Variants in SH3BGR observed in about 807,000 individuals in gnomAD.
SH3BGR encodes SH3 domain-binding glutamic acid-rich protein.
SH3BGR carries 29 observed loss-of-function variants against 24.5 expected under a neutral mutation model. The observed-to-expected ratio is 1.18, with a 90% CI of 0.88 to 1.61. SH3BGR has a LOEUF of 1.61. SH3BGR is among the 40% of genes most tolerant of loss of function. SH3BGR has a pLI of 0.00. For synonymous variants in SH3BGR, 55 were observed against 65.7 expected (o/e 0.84, Z 0.79); for missense variants, 162 against 205.8 (o/e 0.79, Z 1.30).
intron 3 of SH3BGR, among the ~76,000 whole-genome samples, chr21:39,496,299 G>T (rs1439002173): frequency 6.6e-6 from 1 of 151,972 alleles, no homozygotes; most frequent in Non-Finnish European, 1.5e-5. Flanking sequence ...AGGAGATCGA[G>T]ACCATCCTGG....
At chr21:39,470,726 A>C (rs2077925055) in intron 2 of SH3BGR, among the ~76,000 whole-genome samples, 1 of 152,144 alleles carries the variant, frequency 6.6e-6, no homozygotes, top group Non-Finnish European at 1.5e-5. Context: ...AGATTTACCC[A>C]CATATTTACT....
At chr21:39,497,262 A>T (rs1602153572) in intron 3 of SH3BGR, among the ~76,000 whole-genome samples, 1 of 151,250 alleles carries the variant, frequency 6.6e-6, no homozygotes, top group Non-Finnish European at 1.5e-5. Flanking sequence ...ACAAATATAT[A>T]ATCTGAATGT....
At chr21:39,469,626 T>G (rs2077903300) in intron 2 of SH3BGR, among the ~76,000 whole-genome samples, 1 of 111,370 alleles carries the variant, frequency 9.0e-6, no homozygotes, top group Non-Finnish European at 2.1e-5. Context: ...ATATGCAGTA[T>G]TTTCTTTTTT....
chr21:39,485,686 CTTTTTT>C (rs71330369), intron 3 of SH3BGR, among the ~76,000 whole-genome samples: 1 of 116,752 alleles, frequency 8.6e-6, no homozygotes, highest in African/African-American at 3.1e-5. Flanking sequence ...AAGTTGTTTT[CTTTTTT>C]TTTTTTTTTT....
At chr21:39,514,222 A>G (rs958451208) in intron 6 of SH3BGR, among the ~76,000 whole-genome samples, 1 of 152,114 alleles carries the variant, frequency 6.6e-6, no homozygotes, top group Non-Finnish European at 1.5e-5. Context: ...CCAAAAACAA[A>G]CCCATCTCAT....
rs1336674417 is a variant in SH3BGR at position 39,511,175 on chromosome 21, G to T, written c.436-505G>T. Reference sequence around the variant, plus strand: ...TGGTGTATGTGTATTTGTGTGTGGTGTATATGGTGTGTGGTGTGTTTGGTG... The same window carrying T: ...TGGTGTATGTGTATTTGTGTGTGGTTTATATGGTGTGTGGTGTGTTTGGTG... On this transcript the variant is annotated intron_variant, in intron 5 of 6. Coordinates refer to ENST00000333634, the MANE Select transcript of SH3BGR (RefSeq NM_007341.3). The surrounding 1 kb of genome is among the most constrained non-coding windows in gnomAD (Gnocchi z 4.2). Among the ~76,000 whole-genome samples the T allele has an allele frequency of 6.6e-6, 1 of 150,686 alleles. No individual in the cohort carries two copies. The highest frequency in any genetic ancestry group is 2.4e-5 in the African/African-American group (1 of 40,978).
intron 2 of SH3BGR, among the ~76,000 whole-genome samples, chr21:39,469,539 T>C (rs187537868): frequency 1.1e-3 from 173 of 151,968 alleles, no homozygotes; most frequent in Non-Finnish European, 1.6e-3. Flanking sequence ...ACTTTTAACC[T>C]TTTTTTCTTC....
At chr21:39,488,439 TG>T in intron 3 of SH3BGR, 1 of 241,614 alleles carries the variant, frequency 4.1e-6, no homozygotes. Context: ...ACGAGGGCCT[TG>T]GGCCAGAGCC....
At chr21:39,500,990 A>G (rs1341089370) in intron 4 of SH3BGR, among the ~76,000 whole-genome samples, 1 of 152,260 alleles carries the variant, frequency 6.6e-6, no homozygotes, top group African/African-American at 2.4e-5. Flanking sequence ...TGTTTTAAAG[A>G]AAGACAAAAT....
chr21:39,509,917 A>G (rs1403989234), intron 5 of SH3BGR, among the ~76,000 whole-genome samples: 1 of 152,150 alleles, frequency 6.6e-6, no homozygotes, highest in Non-Finnish European at 1.5e-5. Flanking sequence ...AAATGTCAAA[A>G]GAAATCCCCC....
At chr21:39,448,972 A>G (rs552702346), upstream of SH3BGR, among the ~76,000 whole-genome samples, 1 of 151,898 alleles carries the variant, frequency 6.6e-6, no homozygotes, top group Admixed American at 6.6e-5. Flanking sequence ...CTTTATTGAT[A>G]AACAGCTGCA....
At chr21:39,513,603 C>T (rs1193115707) in intron 6 of SH3BGR, among the ~76,000 whole-genome samples, 1 of 152,060 alleles carries the variant, frequency 6.6e-6, no homozygotes. Context: ...TTCTTTCATG[C>T]TCTGGACCCA....
At chr21:39,480,769 T>C (rs891633913) in intron 3 of SH3BGR, among the ~76,000 whole-genome samples, 2 of 152,240 alleles carry the variant, frequency 1.3e-5, no homozygotes, top group African/African-American at 4.8e-5. Flanking sequence ...ACTCTAGACT[T>C]ACTGACCCTA....
At chr21:39,476,061 A>G (rs1333569086) in intron 3 of SH3BGR, among the ~76,000 whole-genome samples, 1 of 152,240 alleles carries the variant, frequency 6.6e-6, no homozygotes, top group Non-Finnish European at 1.5e-5. Context: ...AGCTGAAGTC[A>G]TGAAAAGTGG....
chr21:39,454,134 G>A (rs2077617760), intron 1 of SH3BGR, among the ~76,000 whole-genome samples: 2 of 152,162 alleles, frequency 1.3e-5, no homozygotes, highest in African/African-American at 2.4e-5. Flanking sequence ...GATTATCCCT[G>A]CGATGTCAGT....
At chr21:39,506,788 G>C (rs548753438) in intron 4 of SH3BGR, among the ~76,000 whole-genome samples, 7 of 152,306 alleles carry the variant, frequency 4.6e-5, no homozygotes, top group African/African-American at 1.7e-4. Context: ...CAGGAGGATA[G>C]AGTATCTTGA....
At chr21:39,472,163 A>G (rs2077951535) in intron 2 of SH3BGR, among the ~76,000 whole-genome samples, 1 of 151,528 alleles carries the variant, frequency 6.6e-6, no homozygotes, top group African/African-American at 2.5e-5. Context: ...TGTGCTGCTA[A>G]AACAGAATAC....
chr21:39,514,058 T>C (rs1353700356), intron 6 of SH3BGR, among the ~76,000 whole-genome samples: 1 of 152,192 alleles, frequency 6.6e-6, no homozygotes, highest in African/African-American at 2.4e-5. Context: ...TGGAATCCAG[T>C]CCCTAATAGT....
chr21:39,465,861 G>T (rs752566985), intron 2 of SH3BGR, among the ~76,000 whole-genome samples: 5 of 152,150 alleles, frequency 3.3e-5, no homozygotes, highest in Non-Finnish European at 7.3e-5. Flanking sequence ...GTAGTGTTGG[G>T]ATTATAGGTG....
Sources: allele counts gnomAD v4.1 joint callset (sites outside exome capture counted in the v4.1 genomes callset), GRCh38; gene constraint gnomAD v4.1.1; non-coding constraint Gnocchi (gnomAD v3.1); transcripts MANE v1.5; gene names NCBI Gene and HGNC (gene_info 2026-07-23, HGNC 2026-07-21).